Variants in TAOK3 observed in about 807,000 individuals in gnomAD.
TAOK3 encodes the protein serine/threonine-protein kinase TAO3.
Under a neutral mutation model 120.4 loss-of-function variants are expected in TAOK3, and 40 were observed. The observed-to-expected ratio is 0.33, with a 90% confidence interval of 0.26 to 0.43. TAOK3 has a LOEUF of 0.43. TAOK3 is among the 20% of genes least tolerant of loss of function. TAOK3 has a pLI of 1.00. For synonymous variants in TAOK3, 355 were observed against 387.5 expected (o/e 0.92, Z 0.99); for missense variants, 821 against 1,112.1 (o/e 0.74, Z 3.72).
chr12:118,186,586 C>CT (rs987528517), intron 14 of TAOK3, among the ~76,000 whole-genome samples: 2 of 152,126 alleles, frequency 1.3e-5, no homozygotes, highest in East Asian at 1.9e-4. Context: ...ATATAAACAA[C>CT]TTTTTTCCAG....
chr12:118,225,881 T>C (rs1054756196), intron 9 of TAOK3, among the ~76,000 whole-genome samples: 1 of 152,234 alleles, frequency 6.6e-6, no homozygotes, highest in Admixed American at 6.5e-5. Context: ...ACATTTAACA[T>C]CATTTACTCT....
intron 9 of TAOK3, among the ~76,000 whole-genome samples, chr12:118,227,413 A>G (rs956499396): frequency 6.6e-6 from 1 of 151,012 alleles, no homozygotes; most frequent in Non-Finnish European, 1.5e-5. Context: ...CATTGTAGCA[A>G]CTCCTCAGTT....
intron 1 of TAOK3, among the ~76,000 whole-genome samples, chr12:118,275,983 T>A (rs1158718789): frequency 6.6e-6 from 1 of 151,952 alleles, no homozygotes; most frequent in Admixed American, 6.6e-5. Context: ...CCAGCGTGGG[T>A]AAGGGAAAGT....
chr12:118,238,174 G>T lies in TAOK3; in HGVS notation c.341-5C>A. ...CCTGAAGTGGTTTTTTATGAACTGA[G>T]GAAGGAAAAAAAAAAAAGTCAGTAG... On this transcript the variant is annotated splice_region_variant and splice_polypyrimidine_tract_variant and intron_variant, in intron 6 of 20. Transcript: ENST00000392533. The T allele has an allele frequency of 6.3e-7, 1 of 1,576,316 alleles. No homozygotes were observed. The highest frequency in any genetic ancestry group is 8.6e-7 in the Non-Finnish European group (1 of 1,158,702).
intron 1 of TAOK3, among the ~76,000 whole-genome samples, chr12:118,278,047 C>T (rs1424651678): frequency 6.6e-6 from 1 of 152,000 alleles, no homozygotes; most frequent in Non-Finnish European, 1.5e-5. Context: ...AGTTTGGGAA[C>T]CACTGAGCAA....
intron 1 of TAOK3, among the ~76,000 whole-genome samples, chr12:118,273,311 G>A (rs1234668200): frequency 2.0e-5 from 3 of 151,472 alleles, no homozygotes; most frequent in East Asian, 2.0e-4. Flanking sequence ...GACCATCCTC[G>A]CTAACACGGT....
At chr12:118,285,409 A>G (rs770050841) in intron 1 of TAOK3, among the ~76,000 whole-genome samples, 17 of 151,322 alleles carry the variant, frequency 1.1e-4, no homozygotes, top group Non-Finnish European at 1.6e-4. Flanking sequence ...CTGGAGTGCA[A>G]TGGCGTGATC....
chr12:118,273,765 G>A (rs1426490090), intron 1 of TAOK3, among the ~76,000 whole-genome samples: 4 of 151,818 alleles, frequency 2.6e-5, no homozygotes, highest in East Asian at 3.9e-4. Flanking sequence ...GCAGTGAGCC[G>A]AGATCGTGCC....
chr12:118,207,411 C>A (rs1042342809), intron 11 of TAOK3, among the ~76,000 whole-genome samples: 2 of 150,174 alleles, frequency 1.3e-5, no homozygotes, highest in African/African-American at 4.9e-5. Context: ...TACAGAATAT[C>A]ATTTTAGACA....
In TAOK3 at chr12:118,212,939, C is replaced by T; in HGVS notation, c.794G>A (p.Arg265Lys). The T allele has an allele frequency of 6.2e-7, 1 of 1,612,936 alleles. No homozygotes were observed. The highest frequency in any genetic ancestry group is 8.5e-7 in the Non-Finnish European group (1 of 1,179,590). The change falls in exon 11 of 21, where the codon AGG becomes AAG. Residue 265 changes from arginine (R) to lysine (K), a missense_variant. By Grantham distance (26) the Arg-to-Lys change is conservative (BLOSUM62 2). Around this residue, in one of 2 missense-constraint regions of TAOK3, gnomAD observed 467 missense variants for 540.0 expected, o/e 0.86. Transcript: ENST00000392533. ...CCTTAATAGTTCTGCTGATGTTGGC[C>T]TTTCCTGAGGTATTTTCTGCAAGCA... ...DYCLQKIPQE[R>K]PTSAELLRHD...
intron 11 of TAOK3, among the ~76,000 whole-genome samples, chr12:118,203,704 CAA>C (rs35135077): frequency 6.5e-4 from 82 of 127,094 alleles, no homozygotes; most frequent in African/African-American, 1.4e-3. Flanking sequence ...AACTCCATCT[CAA>C]AAAAAAAAAA....
chr12:118,237,759 G>T (rs910635979), intron 7 of TAOK3, among the ~76,000 whole-genome samples: 1 of 152,116 alleles, frequency 6.6e-6, no homozygotes, highest in African/African-American at 2.4e-5. Context: ...TGCAAGGAAG[G>T]TTAATTTTCT....
chr12:118,288,187 A>G (rs545488702), intron 1 of TAOK3, among the ~76,000 whole-genome samples: 5 of 152,004 alleles, frequency 3.3e-5, no homozygotes, highest in Non-Finnish European at 7.4e-5. Context: ...AAAAACTTCA[A>G]AATTATAATG....
At chr12:118,344,035 T>C (rs1468137510) in intron 1 of TAOK3, among the ~76,000 whole-genome samples, 1 of 151,512 alleles carries the variant, frequency 6.6e-6, no homozygotes, top group Admixed American at 6.6e-5. Context: ...CACTAGAATT[T>C]ATTTGTTCCA....
intron 1 of TAOK3, among the ~76,000 whole-genome samples, chr12:118,364,942 T>C (rs1015416965): frequency 2.0e-5 from 3 of 152,214 alleles, no homozygotes; most frequent in Non-Finnish European, 4.4e-5. Flanking sequence ...GCACTTCCTA[T>C]GTGTCACTGT....
At chr12:118,201,133 A>T (rs965344918) in intron 12 of TAOK3, 163 bp downstream of exon 12, 1 of 648,642 alleles carries the variant, frequency 1.5e-6, no homozygotes, top group Non-Finnish European at 2.5e-6. Context: ...TTTGCCTTAT[A>T]TAAGTGTTAT....
intron 8 of TAOK3, among the ~76,000 whole-genome samples, chr12:118,234,254 A>T (rs184161197): frequency 8.1e-4 from 42 of 51,596 alleles, no homozygotes; most frequent in African/African-American, 2.6e-3. Flanking sequence ...TTTGAGACGG[A>T]GTCTGGCTCT....
At chr12:118,272,161 C>T (rs772594349) in intron 1 of TAOK3, among the ~76,000 whole-genome samples, 53 of 152,058 alleles carry the variant, frequency 3.5e-4, no homozygotes, top group Non-Finnish European at 5.9e-5. Flanking sequence ...ACACTGGTGG[C>T]GCATGCCTGT....
At chr12:118,261,874 GAC>G (rs34823445) in intron 2 of TAOK3, among the ~76,000 whole-genome samples, 4,574 of 151,086 alleles carry the variant, frequency 0.03, 144 homozygotes, top group East Asian at 0.17. Context: ...TTTTTTTTGA[GAC>G]ACAGTCTTAC....
Sources: allele counts gnomAD v4.1 joint callset (sites outside exome capture counted in the v4.1 genomes callset), GRCh38; gene constraint gnomAD v4.1.1; regional missense constraint gnomAD v4.1.1; transcripts MANE v1.5; gene names NCBI Gene and HGNC (gene_info 2026-07-23, HGNC 2026-07-21).